The following CIC variants were observed in gnomAD, a reference collection of about 807,000 sequenced individuals.
CIC encodes capicua transcriptional repressor.
Under a neutral mutation model 115.7 loss-of-function variants are expected in CIC, and 18 were observed. That is an observed-to-expected ratio of 0.16 (90% CI 0.11 to 0.23). The LOEUF is 0.23. Among genes scored for constraint, CIC ranks in the 10% least tolerant of loss-of-function variants. CIC has a pLI of 1.00. For synonymous variants in CIC, 1,076 were observed against 923.0 expected (o/e 1.17, Z -3.01); for missense variants, 2,000 against 2,159.3 (o/e 0.93, Z 1.46).
In CIC at chr19:42,279,278, C is replaced by T. The variant is rs144529893; in HGVS notation, c.2794+4701C>T. Among the ~76,000 whole-genome samples the T allele has an allele frequency of 6.1e-3, 936 of 152,350 alleles. 8 individuals are homozygous for T. The highest frequency in any genetic ancestry group is 0.022 in the African/African-American group (905 of 41,574). On this transcript the variant is annotated intron_variant, in intron 2 of 20. Transcript: ENST00000681038. ...CACCAGCAGAAGCCAGCTCCCTCCT[C>T]ATCCCTCTGCCAGGCCCAGGGCTGA...
rs760782746 is a variant in CIC, at chr19:42,287,032, C to T, written c.2971C>T (p.His991Tyr). 1 of 1,611,256 alleles carries T rather than the reference C, an allele frequency of 6.2e-7. No individual in the cohort carries two copies. The highest frequency in any genetic ancestry group is 1.1e-5 in the South Asian group (1 of 91,060). ...KEPAESAAVA[H>Y]ERPPGGTGSA... ...ACCTGCTGAGTCGGCAGCTGTTGCT[C>T]ATGAACGGCCACCAGGTGGGACAGG... Residue 991 changes from histidine to tyrosine, a missense_variant, in exon 4 of 21, where the codon CAT becomes TAT. Transcript: ENST00000681038. This position sits in a 1 kb window ranked among gnomAD's most constrained non-coding sequence, Gnocchi z 8.7.
Position 42,294,544 on chromosome 19 carries a change from CGGT to C in CIC, c.7055-57_7055-55del, listed in dbSNP as rs777854447. ...GTGAGGGCTTGGGTGGGCACTCAGA[CGGT>C]GGCAGGAAGGCCCTGCCGCTGCTGC... On this transcript the variant is annotated intron_variant, in intron 19 of 20. Transcript: ENST00000681038. 5.0e-6 allele frequency: 8 copies of C among 1,608,150 alleles called. No individual in the cohort carries two copies. In the East Asian group the frequency reaches 1.1e-4, roughly 22 times the overall value.
At position 42,288,872 on chromosome 19, in the gene CIC, ACT is replaced by A. The variant is rs755182296; in HGVS notation, c.3659-11_3659-10del. On this transcript the variant is annotated splice_polypyrimidine_tract_variant and intron_variant, in intron 7 of 20. Coordinates refer to ENST00000681038, the MANE Select transcript of CIC (RefSeq NM_001386298.1). ...CAGGCTTACTGACTGTCATAGCGCC[ACT>A]CTCTACTTTACAGTGTCCTCTGAGC... is the stretch of plus-strand genomic sequence containing the variant. The A allele has an allele frequency of 3.1e-6, 5 of 1,612,494 alleles. No individual in the cohort carries two copies. The highest frequency in any genetic ancestry group is 1.7e-5 in the Admixed American group (1 of 59,994).
rs1180032441 is a variant in CIC at position 42,292,709 on chromosome 19, C to A, written c.6046C>A (p.Pro2016Thr). The A allele has an allele frequency of 5.6e-6, 9 of 1,613,744 alleles. No individual in the cohort carries two copies. Among genetic ancestry groups the A allele is most frequent in the Non-Finnish European group, 5.9e-6 (7 of 1,179,982 alleles). Residue 2016 changes from proline (P) to threonine (T), a missense_variant, in exon 15 of 21, where the codon CCC becomes ACC. This residue lies in a region of CIC where 1,466 missense variants were observed against 1,390.4 expected (regional missense o/e 1.05). Coordinates refer to ENST00000681038, the MANE Select transcript of CIC (RefSeq NM_001386298.1). ...CAGCCCTGCACCCACCTCCTCAGCA[C>A]CCCTGGCCCAGCCATCCCAGGCCCC... ...SGSPAPTSSA[P>T]LAQPSQAPPS...
At chr19:42,276,830 G>C (rs1030488369) in intron 2 of CIC, among the ~76,000 whole-genome samples, 1 of 152,048 alleles carries the variant, frequency 6.6e-6, no homozygotes, top group African/African-American at 2.4e-5. Flanking sequence ...CCTGCTGTGT[G>C]GGGAGGAATG....
Position 42,287,195 on chromosome 19 carries a change from G to A in CIC, c.3134G>A (p.Gly1045Glu), listed in dbSNP as rs749807962. ...TTEEEASGPPGEPRLDSETES... is the reference protein window; with the variant it reads ...TTEEEASGPPEEPRLDSETES... ...GAGGAGGAGGCCTCCGGCCCCCCAG[G>A]AGAGCCCCGGCTGGACAGTGAGACA... The change falls in exon 4 of 21, where the codon GGA (glycine) becomes GAA (glutamate). Residue 1045 changes from glycine (G) to glutamate (E), a missense_variant. This residue lies in a region of CIC where 222 missense variants were observed against 247.7 expected (regional missense o/e 0.90). Coordinates refer to ENST00000681038, the MANE Select transcript of CIC (RefSeq NM_001386298.1). The surrounding 1 kb of genome is among the most constrained non-coding windows in gnomAD (Gnocchi z 8.7). 2 of 1,613,606 alleles carry A rather than the reference G, an allele frequency of 1.2e-6. No individual in the cohort carries two copies. Among genetic ancestry groups the A allele is most frequent in the South Asian group, 2.2e-5 (2 of 91,078 alleles).
chr19:42,295,476 T>G lies in CIC; in HGVS notation c.*285T>G. On this transcript the variant is annotated 3_prime_UTR_variant, in exon 21 of 21. Transcript: ENST00000681038. ...TTCACTTTATGCAAAATGGCTCCTG[T>G]GAGGGCTGCAAGCTGGAGGGTGGTG... 5.1e-6 allele frequency: 2 copies of G among 391,372 alleles called. No individual in the cohort carries two copies. Among genetic ancestry groups the G allele is most frequent in the Non-Finnish European group, 9.3e-6 (2 of 214,984 alleles). 24.2% of individuals were successfully genotyped at this position (391,372 alleles called of 1,614,324 possible).
chr19:42,291,370 C>G lies in CIC; in HGVS notation c.5329C>G (p.Pro1777Ala). The G allele has an allele frequency of 1.2e-6, 2 of 1,612,568 alleles. No homozygotes were observed. The highest frequency in any genetic ancestry group is 8.5e-7 in the Non-Finnish European group (1 of 1,179,746). ...PTTSIRFTLP[P>A]GTSTNGKVLA... ...CACCAGCATCCGTTTCACCCTCCCA[C>G]CGGGCACTTCCACCAACGGCAAAGT... Residue 1777 changes from proline (P) to alanine (A), a missense_variant, in exon 11 of 21, where the codon CCG (proline) becomes GCG (alanine). Physicochemically the swap from Pro to Ala is conservative, Grantham distance 27 (BLOSUM62 -1). Around this residue, in one of 8 missense-constraint regions of CIC, gnomAD observed 1,466 missense variants for 1,390.4 expected, o/e 1.05. Transcript: ENST00000681038.
In CIC at chr19:42,287,506, A is replaced by G. The variant is rs771011282; in HGVS notation, c.3310-39A>G. 5 of 1,612,496 alleles carry G rather than the reference A, an allele frequency of 3.1e-6. No homozygotes were observed. The highest frequency in any genetic ancestry group is 4.2e-6 in the Non-Finnish European group (5 of 1,180,026). On this transcript the variant is annotated intron_variant, in intron 5 of 20. Transcript: ENST00000681038. This position sits in a 1 kb window ranked among gnomAD's most constrained non-coding sequence, Gnocchi z 8.7. ...CCGTGGCCACCCACACCTGTCTGCC[A>G]GGTCCTAACTGTCCCGCTCTGGGCT...
chr19:42,286,565 C>T (rs1484658782), intron 2 of CIC, among the ~76,000 whole-genome samples: 1 of 146,836 alleles, frequency 6.8e-6, no homozygotes, highest in African/African-American at 2.5e-5. Context: ...TTCCCTGCTT[C>T]TGTTTTCTTT....
chr19:42,288,862 TC>T (rs1399028160), intron 7 of CIC, 25 bp from the exon 8 acceptor site: 18 of 1,608,832 alleles, frequency 1.1e-5, no homozygotes, highest in Non-Finnish European at 1.5e-5. Flanking sequence ...TTACTGACTG[TC>T]ATAGCGCCAC....
Position 42,295,143 on chromosome 19 carries a change from G to GGGGGCCC in CIC, c.7506_7507insGGGGCCC (p.Pro2503GlyfsTer22). The GGGGGCCC allele has an allele frequency of 2.1e-5, 29 of 1,382,626 alleles. No individual in the cohort carries two copies. Among genetic ancestry groups the GGGGGCCC allele is most frequent in the Admixed American group, 2.5e-5 (1 of 39,720 alleles). 85.6% of individuals were successfully genotyped at this position (1,382,626 alleles called of 1,614,324 possible). Reference sequence around the variant, plus strand: ...AGCCTGGCTGGGAGGGGGCTCCCCAGCCCTCCCCCCCACCCCCAGGTCCCT... The same window carrying GGGGGCCC: ...AGCCTGGCTGGGAGGGGGCTCCCCAGGGGGCCCCCCTCCCCCCCACCCCCAGGTCCCT... On this transcript the variant is annotated frameshift_variant, in exon 21 of 21. Transcript: ENST00000681038. LOFTEE classifies it high-confidence loss of function.
chr19:42,295,581 A>C lies in CIC; in HGVS notation c.*390A>C. ...TTTTTTCCCCAGAGGGGCTGGACTC[A>C]GGTTAGTTTGGGGGTGGGGGCTCCT... On this transcript the variant is annotated 3_prime_UTR_variant, in exon 21 of 21. Transcript: ENST00000681038. 1 of 249,352 alleles carries C rather than the reference A, an allele frequency of 4.0e-6. No homozygotes were observed. Among genetic ancestry groups the C allele is most frequent in the East Asian group, 6.0e-5 (1 of 16,712 alleles). The allele number at this position is 249,352 out of a possible 1,614,324, so 15.4% of individuals were successfully genotyped here. A position where few individuals can be genotyped will look rare whatever the true frequency, so the allele number is the denominator to read the frequency against.
Position 42,287,936 on chromosome 19 carries a change from C to T in CIC, c.3619C>T (p.Arg1207Trp), listed in dbSNP as rs2147207281. The T allele has an allele frequency of 6.2e-7, 1 of 1,603,418 alleles. No individual in the cohort carries two copies. Among genetic ancestry groups the T allele is most frequent in the African/African-American group, 1.3e-5 (1 of 74,956 alleles). ...LAGGHKETRE[R>W]SMSETGTAAA... ...AGGAGGGCACAAGGAGACGCGGGAG[C>T]GGAGCATGTCGGAGACGGGCACTGC... Residue 1207 changes from arginine (R) to tryptophan (W), a missense_variant, in exon 7 of 21, where the codon CGG (arginine) becomes TGG (tryptophan). Coordinates refer to ENST00000681038, the MANE Select transcript of CIC (RefSeq NM_001386298.1). This position sits in a 1 kb window ranked among gnomAD's most constrained non-coding sequence, Gnocchi z 8.7.
Position 42,293,680 on chromosome 19 carries a change from C to T in CIC, c.6611C>T (p.Pro2204Leu), listed in dbSNP as rs374363627. The change falls in exon 17 of 21, where the codon CCG (proline) becomes CTG (leucine). Residue 2204 changes from proline (P) to leucine (L), a missense_variant. Pro to Leu is a moderately conservative substitution (Grantham distance 98). Coordinates refer to ENST00000681038, the MANE Select transcript of CIC (RefSeq NM_001386298.1). Reference protein sequence around the residue: ...NRGEPPTPPSPAPAPAVAPGG... With the variant: ...NRGEPPTPPSLAPAPAVAPGG... Reference sequence around the variant, plus strand: ...GGGGAGCCTCCCACTCCTCCCAGCCCGGCCCCAGCTCCAGCTGTAGCCCCT... The same window carrying T: ...GGGGAGCCTCCCACTCCTCCCAGCCTGGCCCCAGCTCCAGCTGTAGCCCCT... 196 of 1,612,618 alleles carry T rather than the reference C, an allele frequency of 1.2e-4. 1 individual carries two copies. Among genetic ancestry groups the T allele is most frequent in the African/African-American group, 3.9e-4 (29 of 74,946 alleles).
In CIC at chr19:42,287,077, C is replaced by A. The variant is rs1305768594; in HGVS notation, c.3016C>A (p.Pro1006Thr). The A allele has an allele frequency of 6.2e-7, 1 of 1,612,636 alleles. No individual in the cohort carries two copies. The highest frequency in any genetic ancestry group is 8.5e-7 in the Non-Finnish European group (1 of 1,179,972). Residue 1006 changes from proline to threonine, a missense_variant, in exon 4 of 21, where the codon CCC (proline) becomes ACC (threonine). Transcript: ENST00000681038. The surrounding 1 kb of genome is among the most constrained non-coding windows in gnomAD (Gnocchi z 8.7). ...GACAGGGAGTGCTGACCCTGAGCGG[C>A]CCCCTGGAGCCACATGCCCTGAGAG... ...GGTGSADPER[P>T]PGATCPESPG...
In CIC at chr19:42,287,352, T is replaced by C; in HGVS notation, c.3212T>C (p.Leu1071Ser). The C allele has an allele frequency of 6.2e-7, 1 of 1,614,118 alleles. No individual in the cohort carries two copies. The highest frequency in any genetic ancestry group is 8.5e-7 in the Non-Finnish European group (1 of 1,180,028). Reference sequence around the variant, plus strand: ...TCCATCATGTCTCCTGAGATCCAGTTGCCTCTACCGCCCGGAAAACGTCGG... The same window carrying C: ...TCCATCATGTCTCCTGAGATCCAGTCGCCTCTACCGCCCGGAAAACGTCGG... Reference protein sequence around the residue: ...FLSIMSPEIQLPLPPGKRRTQ... With the variant: ...FLSIMSPEIQSPLPPGKRRTQ... The change falls in exon 5 of 21, where the codon TTG becomes TCG. Residue 1071 changes from leucine (L) to serine (S), a missense_variant. Coordinates refer to ENST00000681038, the MANE Select transcript of CIC (RefSeq NM_001386298.1). This position sits in a 1 kb window ranked among gnomAD's most constrained non-coding sequence, Gnocchi z 8.7.
In CIC at chr19:42,270,235, A is replaced by T. The variant is rs1207789256; in HGVS notation, c.-11+854A>T. Among the ~76,000 whole-genome samples, 1 of 152,088 alleles carries T rather than the reference A, an allele frequency of 6.6e-6. No individual in the cohort carries two copies. Among genetic ancestry groups the T allele is most frequent in the Non-Finnish European group, 1.5e-5 (1 of 68,020 alleles). On this transcript the variant is annotated intron_variant, in intron 1 of 20. Coordinates refer to ENST00000681038, the MANE Select transcript of CIC (RefSeq NM_001386298.1). The surrounding 1 kb of genome is among the most constrained non-coding windows in gnomAD (Gnocchi z 4.1). ...TGGGCATTTGGGTGCCAGCCCCGGG[A>T]CGCCCTCCAGGCTCTGCCTGTGAGG... is the stretch of plus-strand genomic sequence containing the variant.
At position 42,274,183 on chromosome 19, in the gene CIC, C is replaced by T. The variant is rs1388913326; in HGVS notation, c.2400C>T (p.Arg800=). 5.0e-6 allele frequency: 2 copies of T among 399,018 alleles called. No homozygotes were observed. The highest frequency in any genetic ancestry group is 8.8e-6 in the Non-Finnish European group (2 of 226,416). 24.7% of individuals were successfully genotyped at this position (399,018 alleles called of 1,614,324 possible). A position where few individuals can be genotyped will look rare whatever the true frequency, so the allele number is the denominator to read the frequency against. The change falls in exon 2 of 21, where the codon CGC becomes CGT. Residue 800 remains arginine, a synonymous_variant. Coordinates refer to ENST00000681038, the MANE Select transcript of CIC (RefSeq NM_001386298.1). The part of the protein sequence containing the change: ...GLTSDPGPSV[R]RVPAVQRDSP... The stretch of plus-strand genomic sequence containing the variant: ...CCTCGGATCCAGGGCCCTCTGTGCG[C>T]AGGGTGCCTGCTGTGCAGCGGGACT...
Sources: gnomAD v4.1 joint callset for allele counts (sites outside exome capture counted in the v4.1 genomes callset) on GRCh38, gnomAD v4.1.1 for gene constraint, gnomAD v4.1.1 regional missense constraint, Gnocchi (gnomAD v3.1) non-coding constraint, MANE v1.5 for transcripts, NCBI Gene and HGNC (gene_info 2026-07-23, HGNC 2026-07-21) for gene names.